The following EIF4G3 variants were observed in gnomAD, a reference collection of about 807,000 sequenced individuals.
The protein encoded by EIF4G3 is eIF-4-gamma 3.
A neutral mutation model predicts 186.4 loss-of-function variants in EIF4G3; 34 were observed. That is an observed-to-expected ratio of 0.18 (90% CI 0.14 to 0.24). The LOEUF (loss-of-function observed/expected upper bound fraction) is 0.24. Among genes scored for constraint, EIF4G3 ranks in the 10% least tolerant of loss-of-function variants. The pLI, the probability that EIF4G3 is intolerant of heterozygous loss-of-function variation, is 1.00. For missense variants in EIF4G3, 1,536 were observed against 1,948.5 expected (o/e 0.79, Z 3.99); for synonymous variants, 673 against 679.5 (o/e 0.99, Z 0.15).
intron 2 of EIF4G3, among the ~76,000 whole-genome samples, chr1:21,142,738 C>T (rs1027968410): frequency 2.0e-5 from 3 of 152,038 alleles, no homozygotes; most frequent in Non-Finnish European, 4.4e-5. Context: ...TATAATTTAT[C>T]CCCAAAAATA....
chr1:21,111,483 C>T (rs1204034847), intron 2 of EIF4G3: 2 of 418,806 alleles, frequency 4.8e-6, no homozygotes, highest in East Asian at 1.5e-4. Context: ...CATGAGTTTT[C>T]CTTTCCGTGG....
chr1:21,128,743 A>G lies in EIF4G3; in HGVS notation c.-271-39530T>C, dbSNP rs150542898. ...ATCTAGTTTTTTCACCTGGTATTTCAAGTATTTTTGTAATCCTTCTTGGAA... is the reference window on the plus strand; with the variant it reads ...ATCTAGTTTTTTCACCTGGTATTTCGAGTATTTTTGTAATCCTTCTTGGAA... On this transcript the variant is annotated intron_variant, in intron 2 of 36. Transcript: ENST00000602326. Among the ~76,000 whole-genome samples the G allele has an allele frequency of 5.1e-3, 776 of 152,198 alleles. 7 individuals are homozygous for G. Among genetic ancestry groups the G allele is most frequent in the African/African-American group, 0.018 (745 of 41,512 alleles).
intron 2 of EIF4G3, among the ~76,000 whole-genome samples, chr1:21,097,052 T>C (rs911853262): frequency 2.0e-5 from 3 of 152,224 alleles, no homozygotes; most frequent in Admixed American, 2.0e-4. Flanking sequence ...TATTGTGTTA[T>C]GTATACTTTA....
chr1:21,019,788 G>A (rs138527587), intron 4 of EIF4G3, among the ~76,000 whole-genome samples: 81 of 152,224 alleles, frequency 5.3e-4, no homozygotes, highest in African/African-American at 1.8e-3. Flanking sequence ...GGAGGCTGAG[G>A]CAGGAGAATC....
chr1:21,137,522 T>G (rs1232215187), intron 2 of EIF4G3, among the ~76,000 whole-genome samples: 1 of 152,080 alleles, frequency 6.6e-6, no homozygotes, highest in Admixed American at 6.6e-5. Context: ...CAACAAAGTA[T>G]AGCTGGCTAG....
intron 3 of EIF4G3, among the ~76,000 whole-genome samples, chr1:21,051,614 G>A (rs916336254): frequency 6.6e-6 from 1 of 152,150 alleles, no homozygotes; most frequent in Non-Finnish European, 1.5e-5. Context: ...CACTTTGGGA[G>A]GCCAACACAG....
At chr1:21,092,066 C>T (rs181145817) in intron 2 of EIF4G3, among the ~76,000 whole-genome samples, 125 of 152,208 alleles carry the variant, frequency 8.2e-4, no homozygotes, top group African/African-American at 2.7e-3. Context: ...CCCTGTCTTG[C>T]GCCAGTTTTC....
At chr1:21,124,617 C>CA (rs750177091) in intron 2 of EIF4G3, among the ~76,000 whole-genome samples, 56 of 152,208 alleles carry the variant, frequency 3.7e-4, no homozygotes, top group Non-Finnish European at 7.3e-4. Flanking sequence ...TTTGAAATCT[C>CA]AAACTATCCC....
intron 2 of EIF4G3, among the ~76,000 whole-genome samples, chr1:21,089,868 C>T (rs568739111): frequency 6.6e-6 from 1 of 152,276 alleles, no homozygotes; most frequent in African/African-American, 2.4e-5. Context: ...ATACTTCCTT[C>T]CTAATTCTGC....
rs149614693 is a variant in EIF4G3, at chr1:20,979,899, C to T, written c.493+435G>A. Among the ~76,000 whole-genome samples the T allele has an allele frequency of 5.7e-3, 863 of 152,094 alleles. 8 individuals carry two copies. Among genetic ancestry groups the T allele is most frequent in the African/African-American group, 0.02 (819 of 41,488 alleles). On this transcript the variant is annotated intron_variant, in intron 10 of 36. Coordinates refer to ENST00000602326, the MANE Select transcript of EIF4G3 (RefSeq NM_001391906.1). ...CCGAATATCTGGGACTACAGGCACC[C>T]GCCACCATGCCCGGCTAATTTTTTG...
Position 20,939,907 on chromosome 1 carries a change from T to C in EIF4G3, c.1663+1584A>G, listed in dbSNP as rs563861656. Among the ~76,000 whole-genome samples the C allele has an allele frequency of 2.2e-5, 3 of 136,388 alleles. No individual in the cohort carries two copies. The South Asian group carries it at 7.5e-4, about 34-fold the overall frequency. The allele number at this position is 136,388 out of a possible 152,430, so 89.5% of individuals were successfully genotyped here. A position where few individuals can be genotyped will look rare whatever the true frequency, so the allele number is the denominator to read the frequency against. On this transcript the variant is annotated intron_variant, in intron 14 of 36. Transcript: ENST00000602326. ...TCTCGATCTGTTGCCCAGGCTGGAG[T>C]GTGGCGGCACGATCTTGGCTCACTG... is the stretch of plus-strand genomic sequence containing the variant.
chr1:20,990,651 A>C (rs1029472806), intron 7 of EIF4G3, among the ~76,000 whole-genome samples: 2 of 152,254 alleles, frequency 1.3e-5, no homozygotes, highest in East Asian at 1.9e-4. Flanking sequence ...CCTGGGCGAC[A>C]GAGCAAGACT....
intron 4 of EIF4G3, among the ~76,000 whole-genome samples, chr1:21,014,719 C>G (rs2088350735): frequency 1.2e-5 from 1 of 86,164 alleles, no homozygotes; most frequent in African/African-American, 3.9e-5. Context: ...ACTGCAACCT[C>G]TGTCCCCTGG....
At chr1:21,143,077 T>C (rs1478372614) in intron 2 of EIF4G3, among the ~76,000 whole-genome samples, 8 of 151,830 alleles carry the variant, frequency 5.3e-5, no homozygotes, top group African/African-American at 1.9e-4. Flanking sequence ...GATGAAACCC[T>C]GTCTCTACTA....
At chr1:20,981,269 A>G (rs1280798582) in intron 8 of EIF4G3, 42 bp from the exon 9 acceptor site, 8 of 1,266,264 alleles carry the variant, frequency 6.3e-6, no homozygotes, top group Non-Finnish European at 8.7e-6. Flanking sequence ...TTTTTTTAAC[A>G]CAGGGGAATA....
chr1:21,089,040 A>C, intron 3 of EIF4G3, 98 bp downstream of exon 3: 1 of 643,928 alleles, frequency 1.6e-6, no homozygotes, highest in Non-Finnish European at 2.8e-6. Context: ...TTTGCCAAAA[A>C]TTTGTCATGT....
At chr1:20,971,501 A>G (rs2075878459) in intron 11 of EIF4G3, among the ~76,000 whole-genome samples, 1 of 152,230 alleles carries the variant, frequency 6.6e-6, no homozygotes. Context: ...TGCTGATTCA[A>G]CATTACCAAA....
At chr1:21,146,704 C>A (rs544220320) in intron 2 of EIF4G3, among the ~76,000 whole-genome samples, 2 of 152,000 alleles carry the variant, frequency 1.3e-5, no homozygotes, top group Non-Finnish European at 2.9e-5. Flanking sequence ...TTGCAGTGAG[C>A]CAAGATCATG....
At chr1:20,882,333 T>G (rs1217556896) in intron 19 of EIF4G3, among the ~76,000 whole-genome samples, 2 of 151,372 alleles carry the variant, frequency 1.3e-5, no homozygotes, top group African/African-American at 4.9e-5. Context: ...CTAAAAAATT[T>G]TTAGGCCCAG....
Sources: gnomAD v4.1 joint callset for allele counts (sites outside exome capture counted in the v4.1 genomes callset) on GRCh38, gnomAD v4.1.1 for gene constraint, MANE v1.5 for transcripts, NCBI Gene and HGNC (gene_info 2026-07-23, HGNC 2026-07-21) for gene names.